Variants in LMAN1L observed in about 807,000 individuals in gnomAD.
LMAN1L encodes lectin, mannose binding 1 like, also known as protein ERGIC-53-like.
In LMAN1L, 60 loss-of-function variants were observed where a neutral mutation model predicts 58.3. The observed-to-expected ratio is 1.03, with a 90% confidence interval of 0.84 to 1.27. LMAN1L has a LOEUF of 1.27. LMAN1L is among the 50% of genes most tolerant of loss of function. The pLI is 0.00. For synonymous variants in LMAN1L, 280 were observed against 271.6 expected, an observed-to-expected ratio of 1.03 and a Z score of -0.31; for missense variants, 629 against 674.0, an observed-to-expected ratio of 0.93 and a Z score of 0.74.
chr15:74,817,869 C>T (rs1172018327), intron 4 of LMAN1L, among the ~76,000 whole-genome samples: 14 of 151,930 alleles, frequency 9.2e-5, no homozygotes, highest in South Asian at 2.1e-4. Context: ...AAAAATTAGC[C>T]GGGTGTGGTG....
chr15:74,823,856 C>A, intron 12 of LMAN1L, 174 bp downstream of exon 12: 1 of 656,362 alleles, frequency 1.5e-6, no homozygotes, highest in Non-Finnish European at 2.6e-6. Context: ...TGCATACGTG[C>A]CACCACACAT....
Position 74,820,635 on chromosome 15 carries a change from G to T in LMAN1L, c.775G>T (p.Val259Phe), listed in dbSNP as rs768310419. The T allele has an allele frequency of 1.2e-6, 2 of 1,613,838 alleles. No homozygotes were observed. Among genetic ancestry groups the T allele is most frequent in the Non-Finnish European group, 1.7e-6 (2 of 1,180,002 alleles). ...TFSLSEPSPE[V>F]PPQPFLEMQQ... Reference sequence around the variant, plus strand: ...CCGACTTTCTGTCTTCCTCCCCTAGGTTCCCCCTCAGCCCTTCCTGGAGAT... The same window carrying T: ...CCGACTTTCTGTCTTCCTCCCCTAGTTTCCCCCTCAGCCCTTCCTGGAGAT... The change falls in exon 8 of 14, where the codon GTT becomes TTT. Residue 259 changes from valine (V) to phenylalanine (F), a missense_variant and splice_region_variant. Physicochemically the swap from Val to Phe is conservative, Grantham distance 50. Coordinates refer to ENST00000309664, the MANE Select transcript of LMAN1L (RefSeq NM_021819.3).
Position 74,825,467 on chromosome 15 carries a change from T to C in LMAN1L, c.1452-9T>C. 1 of 1,608,052 alleles carries C rather than the reference T, an allele frequency of 6.2e-7. No homozygotes were observed. The highest frequency in any genetic ancestry group is 8.5e-7 in the Non-Finnish European group (1 of 1,175,318). ...CGCAAGTAACCTGTAACCTTCTCTC[T>C]GGCAGCAGGCAGGAGCTGAACAAGA... On this transcript the variant is annotated splice_polypyrimidine_tract_variant and intron_variant, in intron 13 of 13. Coordinates refer to ENST00000309664, the MANE Select transcript of LMAN1L (RefSeq NM_021819.3).
At chr15:74,820,539 G>C (rs1057452170) in intron 7 of LMAN1L, 96 bp from the exon 8 acceptor site, 1 of 1,522,192 alleles carries the variant, frequency 6.6e-7, no homozygotes, top group Non-Finnish European at 9.1e-7. Context: ...TGGCCAGGGA[G>C]GAAGGCTGGG....
chr15:74,813,230 C>A, intron 1 of LMAN1L: 3 of 666,508 alleles, frequency 4.5e-6, no homozygotes, highest in Non-Finnish European at 5.4e-6. Flanking sequence ...CCTGCCCAAG[C>A]TGTTTCTCCT....
chr15:74,814,498 C>T (rs562308983), intron 1 of LMAN1L, among the ~76,000 whole-genome samples: 39 of 151,638 alleles, frequency 2.6e-4, no homozygotes, highest in South Asian at 8.4e-4. Flanking sequence ...CTCAGTCTCC[C>T]GAGTAGCTGG....
In LMAN1L at chr15:74,820,236, C is replaced by T. The variant is rs1005425816; in HGVS notation, c.774+137C>T. 5 of 818,494 alleles carry T rather than the reference C, an allele frequency of 6.1e-6. No homozygotes were observed. The African/African-American group carries it at 6.7e-5, about 11-fold the overall frequency. The allele number at this position is 818,494 out of a possible 1,614,324, so 50.7% of individuals were successfully genotyped here. A position where few individuals can be genotyped will look rare whatever the true frequency, so the allele number is the denominator to read the frequency against. ...AGCTCTGCTCAGGCCAGACCTTGTG[C>T]AGGGCAGTGCTGCGGGCCAGGGCCG... is the stretch of plus-strand genomic sequence containing the variant. On this transcript the variant is annotated intron_variant, in intron 7 of 13. Coordinates refer to ENST00000309664, the MANE Select transcript of LMAN1L (RefSeq NM_021819.3).
At position 74,816,599 on chromosome 15, in the gene LMAN1L, C is replaced by T. The variant is rs374529748; in HGVS notation, c.439-33C>T. The T allele has an allele frequency of 2.5e-6, 4 of 1,605,814 alleles. No homozygotes were observed. In the Admixed American group the frequency reaches 6.7e-5, roughly 27 times the overall value. ...TCACACCCTCCCCCTCCCGCCATGT[C>T]CGCGGCTCAGGCTGCTTCTCACCTC... is the stretch of plus-strand genomic sequence containing the variant. On this transcript the variant is annotated intron_variant, in intron 3 of 13. Transcript: ENST00000309664.
chr15:74,825,433 A>G, intron 13 of LMAN1L, 43 bp from the exon 14 acceptor site: 1 of 1,581,600 alleles, frequency 6.3e-7, no homozygotes, highest in Non-Finnish European at 8.6e-7. Flanking sequence ...AAAGCCCATA[A>G]AGGAGAGACG....
intron 1 of LMAN1L, among the ~76,000 whole-genome samples, chr15:74,815,338 G>A (rs1174365927): frequency 6.6e-6 from 1 of 152,212 alleles, no homozygotes; most frequent in Admixed American, 6.5e-5. Context: ...TGGGCCCTGG[G>A]CCAGGTTCCA....
intron 11 of LMAN1L, among the ~76,000 whole-genome samples, chr15:74,823,331 G>A (rs2063925575): frequency 6.6e-6 from 1 of 152,156 alleles, no homozygotes. Context: ...GAGCCGGGGA[G>A]CCTGGGGTTG....
chr15:74,819,039 C>G, intron 5 of LMAN1L, 113 bp from the exon 6 acceptor site: 1 of 1,319,852 alleles, frequency 7.6e-7, no homozygotes, highest in Non-Finnish European at 1.1e-6. Context: ...CGGGTCACCT[C>G]CATGCCATTC....
At position 74,820,620 on chromosome 15, in the gene LMAN1L, G is replaced by C. The variant is rs200504655; in HGVS notation, c.775-15G>C. ...CCATGGGTTTGGGGCCCGACTTTCT[G>C]TCTTCCTCCCCTAGGTTCCCCCTCA... is the stretch of plus-strand genomic sequence containing the variant. On this transcript the variant is annotated splice_polypyrimidine_tract_variant and intron_variant, in intron 7 of 13. Coordinates refer to ENST00000309664, the MANE Select transcript of LMAN1L (RefSeq NM_021819.3). 1,126 of 1,613,238 alleles carry C rather than the reference G, an allele frequency of 7.0e-4. 4 individuals carry two copies. The Middle Eastern group carries it at 9.3e-3, about 13-fold the overall frequency.
In LMAN1L at chr15:74,825,579, C is replaced by T. The variant is rs201085437; in HGVS notation, c.1555C>T (p.Pro519Ser). 1.7e-5 allele frequency: 27 copies of T among 1,612,544 alleles called. No individual in the cohort carries two copies. In the South Asian group the frequency reaches 2.5e-4, roughly 15 times the overall value. ...PRALGILRRQ[P>S]LPASMPA ...GGCCCTGGGGATTCTGAGGAGGCAG[C>T]CTCTCCCTGCCAGCATGCCTGCCTG... The change falls in exon 14 of 14, where the codon CCT (proline) becomes TCT (serine). Residue 519 changes from proline (P) to serine (S), a missense_variant. Pro to Ser is a moderately conservative substitution (Grantham distance 74, BLOSUM62 -1). Coordinates refer to ENST00000309664, the MANE Select transcript of LMAN1L (RefSeq NM_021819.3).
chr15:74,817,304 A>G (rs2063896185), intron 4 of LMAN1L, among the ~76,000 whole-genome samples: 1 of 152,064 alleles, frequency 6.6e-6, no homozygotes, highest in Admixed American at 6.5e-5. Context: ...CCCTCATAAC[A>G]TTGTTATGAG....
intron 1 of LMAN1L, 71 bp downstream of exon 1, chr15:74,813,100 G>A: frequency 6.6e-7 from 1 of 1,505,272 alleles, no homozygotes; most frequent in South Asian, 1.2e-5. Flanking sequence ...TGACTTGGTG[G>A]GGAGTGGGTC....
At chr15:74,813,461 G>A (rs1290394216) in intron 1 of LMAN1L, 1 of 457,884 alleles carries the variant, frequency 2.2e-6, no homozygotes. Flanking sequence ...CTACCTGGAG[G>A]GAAGCATCCT....
chr15:74,818,570 T>C, intron 4 of LMAN1L, 148 bp from the exon 5 acceptor site: 1 of 658,156 alleles, frequency 1.5e-6, no homozygotes, highest in Admixed American at 2.6e-5. Context: ...GGTGCATGCC[T>C]GTAGTCTCAG....
chr15:74,822,689 C>G lies in LMAN1L; in HGVS notation c.1179C>G (p.Leu393=). The change falls in exon 11 of 14, where the codon CTC becomes CTG. Residue 393 remains leucine, a synonymous_variant. Coordinates refer to ENST00000309664, the MANE Select transcript of LMAN1L (RefSeq NM_021819.3). ...GALLHGQWTL[L]QALQEMRDAA... is the part of the protein sequence containing the mutation. ...TGCTCCATGGACAGTGGACTCTGCT[C>G]CAGGCCCTGCAAGAGATGAGGTAAG... 6.2e-7 allele frequency: 1 copy of G among 1,613,980 alleles called. No homozygotes were observed. Among genetic ancestry groups the G allele is most frequent in the South Asian group, 1.1e-5 (1 of 91,070 alleles).
Sources: gnomAD v4.1 joint callset for allele counts (sites outside exome capture counted in the v4.1 genomes callset) on GRCh38, gnomAD v4.1.1 for gene constraint, MANE v1.5 for transcripts, NCBI Gene and HGNC (gene_info 2026-07-23, HGNC 2026-07-21) for gene names.